Variants in C3 observed in about 807,000 individuals in gnomAD.
The protein encoded by C3 is complement C3.
Under a neutral mutation model 207.9 loss-of-function variants are expected in C3, and 97 were observed. The ratio of observed to expected loss-of-function variants is 0.47; its 90% CI spans 0.40 to 0.55. The LOEUF (loss-of-function observed/expected upper bound fraction) is 0.55. C3 is among the 20% of genes least tolerant of loss of function. The pLI is 0.00. For synonymous variants in C3, 848 were observed against 857.6 expected (o/e 0.99, Z 0.20); for missense variants, 1,684 against 2,171.7 (o/e 0.78, Z 4.46).
intron 19 of C3, among the ~76,000 whole-genome samples, chr19:6,700,817 T>C: frequency 1.3e-5 from 1 of 75,134 alleles, no homozygotes; most frequent in African/African-American, 5.5e-5. Flanking sequence ...ATTATAATTA[T>C]AAACATTACA....
In C3 at chr19:6,707,376, TCCC is replaced by T. The variant is rs997811739; in HGVS notation, c.2047+87_2047+89del. The T allele has an allele frequency of 5.7e-6, 9 of 1,591,920 alleles. No homozygotes were observed. The African/African-American group carries it at 1.1e-4, about 19-fold the overall frequency. On this transcript the variant is annotated intron_variant, in intron 16 of 40. Transcript: ENST00000245907. Reference sequence around the variant, plus strand: ...GGAGGACTTCCCCGCCGCCAGGGCCTCCCCTCCTCCCTCTCTGGCTCCTGCACG... The same window carrying T: ...GGAGGACTTCCCCGCCGCCAGGGCCTCTCCTCCCTCTCTGGCTCCTGCACG...
intron 19 of C3, among the ~76,000 whole-genome samples, chr19:6,701,214 T>C (rs1398720625): frequency 6.6e-6 from 1 of 152,168 alleles, no homozygotes; most frequent in South Asian, 2.1e-4. Context: ...TTTTCCCCGA[T>C]GATGAGCATG....
At chr19:6,710,869 G>C in intron 12 of C3, 24 bp from the exon 13 acceptor site, 1 of 1,610,592 alleles carries the variant, frequency 6.2e-7, no homozygotes, top group Non-Finnish European at 8.5e-7. Flanking sequence ...CTGGCATCAG[G>C]CTGGGGAGGG....
intron 14 of C3, 69 bp downstream of exon 14, chr19:6,709,615 A>ACCACCCCCACC: frequency 2.5e-6 from 1 of 403,614 alleles, no homozygotes; most frequent in Non-Finnish European, 4.4e-6. Context: ...CTCCAGTCCC[A>ACCACCCCCACC]CCCACCTCCC....
At position 6,697,729 on chromosome 19, in the gene C3, G is replaced by A. The variant is rs200388595; in HGVS notation, c.2506C>T (p.Pro836Ser). 2 of 1,612,816 alleles carry A rather than the reference G, an allele frequency of 1.2e-6. No homozygotes were observed. Among genetic ancestry groups the A allele is most frequent in the African/African-American group, 2.7e-5 (2 of 74,886 alleles). ...TGCTCGTTTCGAACAACAGAGTAGG[G>A]TAGCCGCAGGTCGATGAAGAAGTCC... ...MQDFFIDLRL[P>S]YSVVRNEQVE... is the part of the protein sequence containing the mutation. Residue 836 changes from proline to serine, a missense_variant, in exon 20 of 41, where the codon CCC becomes TCC. By Grantham distance (74) the Pro-to-Ser change is moderately conservative. This residue lies in a region of C3 where 1,280 missense variants were observed against 1,739.1 expected (regional missense o/e 0.74). Coordinates refer to ENST00000245907, the MANE Select transcript of C3 (RefSeq NM_000064.4).
chr19:6,694,686 T>G (rs1177424609), intron 23 of C3, 52 bp from the exon 24 acceptor site: 1 of 1,532,476 alleles, frequency 6.5e-7, no homozygotes, highest in Admixed American at 1.7e-5. Flanking sequence ...TGACCCACCT[T>G]GGGGTGGCGT....
In C3 at chr19:6,694,455, C is replaced by G. The variant is rs146026441; in HGVS notation, c.3130G>C (p.Gly1044Arg). 11 of 1,614,000 alleles carry G rather than the reference C, an allele frequency of 6.8e-6. No homozygotes were observed. The African/African-American group carries it at 1.5e-4, about 22-fold the overall frequency. The change falls in exon 24 of 41, where the codon GGG (glycine) becomes CGG (arginine). Residue 1044 changes from glycine to arginine, a missense_variant. Physicochemically the swap from Gly to Arg is moderately radical, Grantham distance 125 (BLOSUM62 -2). Coordinates refer to ENST00000245907, the MANE Select transcript of C3 (RefSeq NM_000064.4). ...WEKFGLEKRQ[G>R]ALELIKKGYT... ...CCCTTCTTGATGAGCTCCAAGGCCC[C>G]CTGCCGCTTCTCTAGGCCGAACTTC...
chr19:6,709,643 C>T, intron 14 of C3, 41 bp downstream of exon 14: 5 of 1,268,896 alleles, frequency 3.9e-6, no homozygotes, highest in South Asian at 3.5e-5. Context: ...CAGCTCCGTG[C>T]CTCCGCCTCT....
chr19:6,696,241 G>A (rs1967529393), intron 23 of C3, 138 bp downstream of exon 23: 2 of 659,406 alleles, frequency 3.0e-6, no homozygotes, highest in South Asian at 3.4e-5. Flanking sequence ...TGTAAAAGAG[G>A]GAAAACAGAT....
Position 6,694,624 on chromosome 19 carries a change from C to T in C3, c.2961G>A (p.Val987=). The change falls in exon 24 of 41, where the codon GTG becomes GTA. Residue 987 remains valine (V), a synonymous_variant. Coordinates refer to ENST00000245907, the MANE Select transcript of C3 (RefSeq NM_000064.4). ...ETRILLQGTP[V]AQMTEDAVDA... The stretch of plus-strand genomic sequence containing the variant: ...CGACGGCATCCTCTGTCATCTGGGC[C>T]ACTGGGGTCCCTGCAGCAGGTGGGA... The T allele has an allele frequency of 1.2e-6, 2 of 1,612,248 alleles. No individual in the cohort carries two copies. The highest frequency in any genetic ancestry group is 2.2e-5 in the South Asian group (2 of 91,080).
intron 9 of C3, 88 bp downstream of exon 9, chr19:6,713,101 T>C: frequency 6.6e-7 from 1 of 1,516,164 alleles, no homozygotes; most frequent in Non-Finnish European, 9.2e-7. Context: ...CCTCCCTCCT[T>C]AGACTAGGCT....
rs7951 is a variant in C3, at chr19:6,681,980, G to A, written c.4311C>T (p.Ala1437=). The part of the protein sequence containing the change: ...RYISKYELDK[A]FSDRNTLIIY... ...TGATGAGGGTGTTCCTATCGGAGAA[G>A]GCTTTGTCCAGCTCATACTTGGAGA... Residue 1437 remains alanine (A), a synonymous_variant, in exon 35 of 41, where the codon GCC becomes GCT. Coordinates refer to ENST00000245907, the MANE Select transcript of C3 (RefSeq NM_000064.4). 0.078 allele frequency: 126,534 copies of A among 1,613,528 alleles called. 5,204 individuals are homozygous for A. Among genetic ancestry groups the A allele is most frequent in the South Asian group, 0.095 (8,664 of 91,056 alleles).
intron 13 of C3, among the ~76,000 whole-genome samples, chr19:6,710,172 AAG>A (rs1378834720): frequency 2.7e-5 from 2 of 74,888 alleles, no homozygotes; most frequent in African/African-American, 5.1e-5. Flanking sequence ...GAGAGAGGGA[AAG>A]AGAGAGGGAG....
chr19:6,682,263 A>T (rs1490273578), intron 33 of C3, 34 bp from the exon 34 acceptor site: 2 of 1,549,336 alleles, frequency 1.3e-6, no homozygotes, highest in Non-Finnish European at 1.8e-6. Flanking sequence ...ATTGGGTCCC[A>T]AGGAGGGGTC....
chr19:6,709,611 T>TCCCCC, intron 14 of C3, 73 bp downstream of exon 14: 7 of 1,109,422 alleles, frequency 6.3e-6, no homozygotes, highest in East Asian at 5.1e-5. Context: ...CCCTCTCCAG[T>TCCCCC]CCCACCCACC....
At chr19:6,713,782 G>GC in intron 7 of C3, 1 of 212,268 alleles carries the variant, frequency 4.7e-6, no homozygotes, top group Non-Finnish European at 8.6e-6. Context: ...CCACCCCCCA[G>GC]CCCCCCACCT....
rs926205585 is a variant in C3 at position 6,695,636 on chromosome 19, C to T, written c.2950+743G>A. Among the ~76,000 whole-genome samples the T allele has an allele frequency of 4.6e-5, 7 of 151,956 alleles. 1 individual carries two copies. The South Asian group carries it at 6.3e-4, about 14-fold the overall frequency. The stretch of plus-strand genomic sequence containing the variant: ...CTGGGATTACAGGCATGTGCCACCA[C>T]GCCCAGCTAACTTTTGTATTTTTAG... On this transcript the variant is annotated intron_variant, in intron 23 of 40. Coordinates refer to ENST00000245907, the MANE Select transcript of C3 (RefSeq NM_000064.4).
chr19:6,708,887 C>G (rs1426167820), intron 14 of C3, among the ~76,000 whole-genome samples: 1 of 151,908 alleles, frequency 6.6e-6, no homozygotes, highest in Non-Finnish European at 1.5e-5. Context: ...GGGGTCTTGC[C>G]ATGTTGCCCA....
intron 1 of C3, 46 bp downstream of exon 1, chr19:6,720,470 C>T (rs1472784412): frequency 7.1e-6 from 10 of 1,411,224 alleles, no homozygotes; most frequent in South Asian, 3.7e-5. Context: ...TGTCTGCTTC[C>T]ACCCCAGAAC....
Sources: allele counts gnomAD v4.1 joint callset (sites outside exome capture counted in the v4.1 genomes callset), GRCh38; gene constraint gnomAD v4.1.1; regional missense constraint gnomAD v4.1.1; transcripts MANE v1.5; gene names NCBI Gene and HGNC (gene_info 2026-07-23, HGNC 2026-07-21).